The following LINGO2 variants were observed in gnomAD, a reference collection of about 807,000 sequenced individuals.
The protein encoded by LINGO2 is leucine rich repeat and Ig domain containing 2.
In LINGO2, 14 loss-of-function variants were observed where a neutral mutation model predicts 30.6. The ratio of observed to expected loss-of-function variants is 0.46; its 90% CI spans 0.30 to 0.72. The LOEUF (loss-of-function observed/expected upper bound fraction) is 0.72, where lower values mean the gene tolerates loss of function less well. LINGO2 is among the 30% of genes least tolerant of loss of function. The probability of loss-of-function intolerance (pLI) is 0.07; values close to 1 mark genes in which losing one functional copy is unlikely to be tolerated. For missense variants in LINGO2, 729 were observed against 751.7 expected, an observed-to-expected ratio of 0.97 and a Z score of 0.35; for synonymous variants, 317 against 288.5, an observed-to-expected ratio of 1.10 and a Z score of -1.00.
intron 4 of LINGO2, among the ~76,000 whole-genome samples, chr9:28,019,075 G>A (rs775681100): frequency 6.6e-6 from 1 of 152,018 alleles, no homozygotes; most frequent in African/African-American, 2.4e-5. Context: ...GCCAAACATT[G>A]AGTACACATG....
intron 4 of LINGO2, among the ~76,000 whole-genome samples, chr9:28,247,192 C>T (rs1165383508): frequency 1.3e-5 from 2 of 152,150 alleles, no homozygotes; most frequent in African/African-American, 2.4e-5. Context: ...GACAGTGTGG[C>T]GATTCCTCAA....
the LINGO2 span, among the ~76,000 whole-genome samples, chr9:28,861,227 AAT>A: frequency 4.5e-5 from 5 of 112,146 alleles, no homozygotes; most frequent in Non-Finnish European, 6.8e-5. Context: ...ATATTATATA[AAT>A]ATATAATATA....
At chr9:28,960,393 A>C in the LINGO2 span, among the ~76,000 whole-genome samples, 2 of 151,676 alleles carry the variant, frequency 1.3e-5, no homozygotes, top group Non-Finnish European at 2.9e-5. Context: ...CCAGCTACTG[A>C]GGAGGCTGAG....
chr9:28,053,275 C>T (rs540298045), intron 4 of LINGO2, among the ~76,000 whole-genome samples: 1 of 152,150 alleles, frequency 6.6e-6, no homozygotes, highest in Admixed American at 6.6e-5. Context: ...CAGGCAGCAG[C>T]AGCAACACAG....
At chr9:28,370,426 A>G (rs558090644) in intron 3 of LINGO2, among the ~76,000 whole-genome samples, 3 of 152,180 alleles carry the variant, frequency 2.0e-5, no homozygotes, top group African/African-American at 4.8e-5. Context: ...TTTTTTCTAG[A>G]TATTCTACAA....
chr9:28,887,193 G>A, the LINGO2 span, among the ~76,000 whole-genome samples: 1 of 152,044 alleles, frequency 6.6e-6, no homozygotes, highest in Non-Finnish European at 1.5e-5. Context: ...GAAAATAGAT[G>A]CTCAATAGAG....
At chr9:28,587,747 G>A (rs1266656913) in intron 1 of LINGO2, among the ~76,000 whole-genome samples, 7 of 151,828 alleles carry the variant, frequency 4.6e-5, no homozygotes, top group African/African-American at 1.7e-4. Flanking sequence ...AAGCACTCGG[G>A]TTACTCACCT....
chr9:29,059,277 A>C, the LINGO2 span, among the ~76,000 whole-genome samples: 1 of 151,802 alleles, frequency 6.6e-6, no homozygotes, highest in Non-Finnish European at 1.5e-5. Flanking sequence ...TTAACATTAA[A>C]ATGTATACGG....
chr9:27,960,932 A>G (rs1474698178), intron 5 of LINGO2, among the ~76,000 whole-genome samples: 1 of 151,668 alleles, frequency 6.6e-6, no homozygotes, highest in Non-Finnish European at 1.5e-5. Flanking sequence ...ACTTATTTTT[A>G]TTTATTCCTC....
exon 6 of LINGO2, chr9:27,948,401 G>T (rs890472803): frequency 1.2e-5 from 2 of 160,254 alleles, no homozygotes; most frequent in African/African-American, 2.4e-5. Flanking sequence ...CAACAATATG[G>T]TATGATGCAA....
intron 1 of LINGO2, among the ~76,000 whole-genome samples, chr9:28,503,538 G>T (rs1316907814): frequency 1.3e-5 from 2 of 151,752 alleles, no homozygotes; most frequent in African/African-American, 2.4e-5. Flanking sequence ...TCATATTTAT[G>T]GGAACAGAGC....
chr9:28,951,549 A>G, the LINGO2 span, among the ~76,000 whole-genome samples: 1 of 152,066 alleles, frequency 6.6e-6, no homozygotes, highest in African/African-American at 2.4e-5. Flanking sequence ...TTCTGACCTG[A>G]CAGAGGTGCC....
chr9:29,160,989 G>A, the LINGO2 span, among the ~76,000 whole-genome samples: 3 of 152,118 alleles, frequency 2.0e-5, no homozygotes, highest in South Asian at 4.1e-4. Flanking sequence ...AGCATGGCTC[G>A]GGCTGGCGCC....
the LINGO2 span, among the ~76,000 whole-genome samples, chr9:28,910,318 G>A: frequency 0.73 from 111,218 of 151,668 alleles, 40,959 homozygotes; most frequent in Non-Finnish European, 0.78. Context: ...ATTTTTTTTT[G>A]AGTTATCAAT....
chr9:28,003,342 T>TATAG (rs200150497), intron 5 of LINGO2, among the ~76,000 whole-genome samples: 18,867 of 141,586 alleles, frequency 0.13, 1,157 homozygotes, highest in African/African-American at 0.18. Flanking sequence ...TATATAGATA[T>TATAG]ATAGATAGAT....
chr9:28,664,670 C>A lies in LINGO2; in HGVS notation c.-365+5530G>T, dbSNP rs555608461. ...TATCGCACAGAACCAAGGAATCTCT[C>A]CAATGAGATCATCATATCCTCTTCT... On this transcript the variant is annotated intron_variant, in intron 1 of 5. Transcript: ENST00000379992. Among the ~76,000 whole-genome samples, 63 of 152,058 alleles carry A rather than the reference C, an allele frequency of 4.1e-4. 1 individual carries two copies. Among genetic ancestry groups the A allele is most frequent in the African/African-American group, 1.5e-3 (61 of 41,522 alleles).
the LINGO2 span, among the ~76,000 whole-genome samples, chr9:28,910,457 G>A: frequency 6.6e-6 from 1 of 152,148 alleles, no homozygotes; most frequent in Non-Finnish European, 1.5e-5. Context: ...CTCTGATAAT[G>A]TTTGGCTCTG....
Position 28,011,795 on chromosome 9 carries a change from T to C in LINGO2, c.-36+560A>G, listed in dbSNP as rs1822567285. ...GGCTAAGCATTTCTAATGTTATTCC[T>C]GGCAAGAGAAGTGGCCTGATGAGGG... On this transcript the variant is annotated intron_variant, in intron 5 of 5. Transcript: ENST00000379992. 2.6e-5 allele frequency among the ~76,000 whole-genome samples: 4 copies of C among 152,306 alleles called. No homozygotes were observed. In the South Asian group the frequency reaches 8.3e-4, roughly 32 times the overall value.
At chr9:28,756,616 T>C in the LINGO2 span, among the ~76,000 whole-genome samples, 5,426 of 151,996 alleles carry the variant, frequency 0.036, 330 homozygotes, top group African/African-American at 0.12. Flanking sequence ...GATCCCCACA[T>C]GTCAAGGGAG....
Sources: allele counts gnomAD v4.1 joint callset (sites outside exome capture counted in the v4.1 genomes callset), GRCh38; gene constraint gnomAD v4.1.1; transcripts MANE v1.5; gene names NCBI Gene and HGNC (gene_info 2026-07-23, HGNC 2026-07-21).